PLXNA4: variants seen among roughly 807,000 people sequenced by gnomAD.
The protein encoded by PLXNA4 is plexin A4.
A neutral mutation model predicts 191.8 loss-of-function variants in PLXNA4; 44 were observed. The observed-to-expected ratio is 0.23, with a 90% CI of 0.18 to 0.29. PLXNA4 has a LOEUF of 0.29. Ranked by LOEUF, PLXNA4 falls within the 10% of genes least tolerant of loss-of-function variation. The pLI is 1.00. For synonymous variants in PLXNA4, 1,082 were observed against 1,009.5 expected, an observed-to-expected ratio of 1.07 and a Z score of -1.36; for missense variants, 1,800 against 2,488.8, an observed-to-expected ratio of 0.72 and a Z score of 5.89.
Position 132,399,122 on chromosome 7 carries a change from A to T in PLXNA4, c.1371+90170T>A, listed in dbSNP as rs1193927631. 2.6e-5 allele frequency among the ~76,000 whole-genome samples: 4 copies of T among 152,146 alleles called. No homozygotes were observed. In the South Asian group the frequency reaches 6.2e-4, roughly 24 times the overall value. On this transcript the variant is annotated intron_variant, in intron 3 of 31. Coordinates refer to ENST00000321063, the MANE Select transcript of PLXNA4 (RefSeq NM_020911.2). The stretch of plus-strand genomic sequence containing the variant: ...AGAGGTCCCTGCTAGAATTTCCCTC[A>T]GTCACGTCTCTATTACACCCACGGG...
At chr7:132,298,909 G>A (rs185144702) in intron 3 of PLXNA4, among the ~76,000 whole-genome samples, 5 of 152,324 alleles carry the variant, frequency 3.3e-5, no homozygotes, top group African/African-American at 7.2e-5. Flanking sequence ...GATCATCCCC[G>A]GCCATCCATA....
intron 2 of PLXNA4, among the ~76,000 whole-genome samples, chr7:132,592,388 C>A (rs1207859820): frequency 6.6e-6 from 1 of 152,136 alleles, no homozygotes; most frequent in Admixed American, 6.5e-5. Context: ...AGTCCTGACA[C>A]CCGATCAAAA....
At chr7:132,357,567 C>A (rs1025689760) in intron 3 of PLXNA4, among the ~76,000 whole-genome samples, 1 of 152,162 alleles carries the variant, frequency 6.6e-6, no homozygotes, top group African/African-American at 2.4e-5. Context: ...TGCATGGCAG[C>A]GTGTTGTCTT....
chr7:132,428,660 T>A (rs902835526), intron 3 of PLXNA4, among the ~76,000 whole-genome samples: 1 of 152,096 alleles, frequency 6.6e-6, no homozygotes, highest in East Asian at 1.9e-4. Context: ...TGGTCCCCTC[T>A]GTCCCGGTCC....
chr7:132,561,669 T>G (rs1801095336), intron 1 of PLXNA4, among the ~76,000 whole-genome samples: 1 of 133,734 alleles, frequency 7.5e-6, no homozygotes, highest in Admixed American at 7.4e-5. Context: ...TTCCTCATCC[T>G]CCTCCTTCTC....
chr7:132,487,389 A>G (rs766973451), intron 3 of PLXNA4, among the ~76,000 whole-genome samples: 1 of 152,218 alleles, frequency 6.6e-6, no homozygotes, highest in Non-Finnish European at 1.5e-5. Flanking sequence ...TTTACTCTTA[A>G]TGGTGCTCAT....
At chr7:132,357,132 G>A (rs1803740981) in intron 3 of PLXNA4, among the ~76,000 whole-genome samples, 1 of 152,180 alleles carries the variant, frequency 6.6e-6, no homozygotes, top group Admixed American at 6.5e-5. Flanking sequence ...TGGAAAAAAT[G>A]TACATGTGGC....
intron 3 of PLXNA4, among the ~76,000 whole-genome samples, chr7:132,329,843 C>CT (rs1802520673): frequency 6.6e-6 from 1 of 152,130 alleles, no homozygotes; most frequent in South Asian, 2.1e-4. Flanking sequence ...TGACCTAGGC[C>CT]TGGTCATTCT....
At position 132,132,468 on chromosome 7, in the gene PLXNA4, C is replaced by CTGTTCTGTTCTGTTCTGT. The variant is rs1563048357; in HGVS notation, c.5589+580_5589+581insACAGAACAGAACAGAACA. 5.9e-3 allele frequency among the ~76,000 whole-genome samples: 264 copies of CTGTTCTGTTCTGTTCTGT among 44,470 alleles called. 23 individuals are homozygous for CTGTTCTGTTCTGTTCTGT. Among genetic ancestry groups the CTGTTCTGTTCTGTTCTGT allele is most frequent in the African/African-American group, 0.011 (129 of 12,138 alleles). The allele number at this position is 44,470 out of a possible 152,430, so 29.2% of individuals were successfully genotyped here. ...TTCTGTTCTGTTCTGTTCTGTTCTG[C>CTGTTCTGTTCTGTTCTGT]TCTGCTCTGCTCTGCTCTGCTCTAT... On this transcript the variant is annotated intron_variant, in intron 31 of 31. Coordinates refer to ENST00000321063, the MANE Select transcript of PLXNA4 (RefSeq NM_020911.2).
intron 10 of PLXNA4, among the ~76,000 whole-genome samples, chr7:132,204,125 C>T (rs1047552826): frequency 6.6e-6 from 1 of 152,184 alleles, no homozygotes; most frequent in Non-Finnish European, 1.5e-5. Flanking sequence ...AAGCCAGGCT[C>T]ACGCCCAGAT....
At chr7:132,232,964 T>A (rs1040536537) in intron 5 of PLXNA4, among the ~76,000 whole-genome samples, 8 of 152,162 alleles carry the variant, frequency 5.3e-5, no homozygotes, top group African/African-American at 1.9e-4. Context: ...CTAGCATGTG[T>A]TTACCAGGCT....
At chr7:132,380,946 G>A (rs1001337235) in intron 3 of PLXNA4, among the ~76,000 whole-genome samples, 1 of 152,254 alleles carries the variant, frequency 6.6e-6, no homozygotes, top group Non-Finnish European at 1.5e-5. Flanking sequence ...GGTTAAACAT[G>A]AGAATAAGAT....
chr7:132,446,987 T>C (rs1043458363), intron 3 of PLXNA4, among the ~76,000 whole-genome samples: 27 of 151,960 alleles, frequency 1.8e-4, no homozygotes, highest in Non-Finnish European at 4.0e-4. Context: ...TCATTAGGCA[T>C]CTTTGCCCAG....
chr7:132,514,095 A>T (rs1434159909), intron 1 of PLXNA4, among the ~76,000 whole-genome samples: 1 of 151,124 alleles, frequency 6.6e-6, no homozygotes. Context: ...TCTGTTGCCC[A>T]GGCTAGAGTG....
At chr7:132,472,395 C>T (rs1330887090) in intron 3 of PLXNA4, among the ~76,000 whole-genome samples, 1 of 152,168 alleles carries the variant, frequency 6.6e-6, no homozygotes, top group East Asian at 1.9e-4. Context: ...ACCATGGCTT[C>T]CCTTATGATT....
chr7:132,484,321 C>T (rs115800008), intron 3 of PLXNA4, among the ~76,000 whole-genome samples: 6 of 152,232 alleles, frequency 3.9e-5, no homozygotes, highest in African/African-American at 7.2e-5. Flanking sequence ...GACAGAATGC[C>T]GTCTGTCTGT....
intron 3 of PLXNA4, among the ~76,000 whole-genome samples, chr7:132,336,910 G>A (rs1421416636): frequency 6.6e-6 from 1 of 152,202 alleles, no homozygotes; most frequent in Non-Finnish European, 1.5e-5. Flanking sequence ...AATTCAAACA[G>A]CCACTCTGCT....
chr7:132,343,064 G>A (rs541444960), intron 3 of PLXNA4, among the ~76,000 whole-genome samples: 2 of 151,708 alleles, frequency 1.3e-5, no homozygotes, highest in East Asian at 3.9e-4. Context: ...AAAGTAAGAA[G>A]TGTCTAAAGT....
upstream of PLXNA4, among the ~76,000 whole-genome samples, chr7:132,579,375 G>A (rs1328436502): frequency 6.6e-6 from 1 of 151,966 alleles, no homozygotes; most frequent in African/African-American, 2.4e-5. Context: ...ATTCTAGCAT[G>A]TATTTTTAAT....
Sources: gnomAD v4.1 joint callset for allele counts (sites outside exome capture counted in the v4.1 genomes callset) on GRCh38, gnomAD v4.1.1 for gene constraint, MANE v1.5 for transcripts, NCBI Gene and HGNC (gene_info 2026-07-23, HGNC 2026-07-21) for gene names.